CSMD1: variants seen among roughly 807,000 people sequenced by gnomAD.
CSMD1 encodes CUB and Sushi multiple domains 1.
CSMD1 carries 213 observed loss-of-function variants against 417.5 expected under a neutral mutation model. The observed-to-expected ratio is 0.51, with a 90% CI of 0.46 to 0.57. The LOEUF (loss-of-function observed/expected upper bound fraction) is 0.57. CSMD1 is among the 20% of genes least tolerant of loss of function. The pLI is 0.00. For missense variants in CSMD1, 6,923 were observed against 4,529.7 expected (o/e 1.53, Z -15.17); for synonymous variants, 2,862 against 1,736.8 (o/e 1.65, Z -16.11).
intron 1 of CSMD1, among the ~76,000 whole-genome samples, chr8:4,988,682 C>T (rs959054723): frequency 2.0e-5 from 3 of 152,194 alleles, no homozygotes; most frequent in Non-Finnish European, 1.5e-5. Context: ...GATAAATAAA[C>T]ATTCTGCAAC....
intron 3 of CSMD1, among the ~76,000 whole-genome samples, chr8:4,061,637 G>A (rs1024980383): frequency 9.2e-5 from 14 of 152,182 alleles, no homozygotes; most frequent in African/African-American, 3.4e-4. Flanking sequence ...TTCTGCAAGG[G>A]AGGATGGACT....
chr8:4,309,205 G>A (rs1243067056), intron 3 of CSMD1, among the ~76,000 whole-genome samples: 2 of 152,100 alleles, frequency 1.3e-5, no homozygotes, highest in South Asian at 2.1e-4. Flanking sequence ...AATTCCTAGG[G>A]TCAGTTTGAT....
chr8:4,231,190 G>A (rs954330477), intron 3 of CSMD1, among the ~76,000 whole-genome samples: 19 of 152,248 alleles, frequency 1.2e-4, no homozygotes, highest in South Asian at 2.1e-4. Context: ...CATCAATTGC[G>A]CATTGAGTCT....
intron 5 of CSMD1, among the ~76,000 whole-genome samples, chr8:3,765,487 C>G (rs1798215312): frequency 6.6e-6 from 1 of 152,286 alleles, no homozygotes; most frequent in African/African-American, 2.4e-5. Flanking sequence ...CCTCTGCACT[C>G]TGAGCCCACT....
intron 12 of CSMD1, among the ~76,000 whole-genome samples, chr8:3,467,127 T>C (rs568154465): frequency 1.3e-5 from 2 of 152,314 alleles, no homozygotes; most frequent in East Asian, 3.9e-4. Flanking sequence ...TTATAATTAA[T>C]GTGGTGTGGT....
intron 10 of CSMD1, among the ~76,000 whole-genome samples, chr8:3,569,116 T>G (rs747119841): frequency 2.2e-4 from 34 of 152,210 alleles, no homozygotes; most frequent in Non-Finnish European, 4.4e-4. Flanking sequence ...TGGTATGAGC[T>G]GTTCCAATTG....
chr8:3,930,864 A>G (rs1217637455), intron 5 of CSMD1, among the ~76,000 whole-genome samples: 1 of 150,828 alleles, frequency 6.6e-6, no homozygotes, highest in Non-Finnish European at 1.5e-5. Flanking sequence ...TAGTTAACTT[A>G]CATTTTAGTC....
chr8:4,439,371 A>G (rs1295790787), intron 2 of CSMD1, among the ~76,000 whole-genome samples: 2 of 152,152 alleles, frequency 1.3e-5, no homozygotes, highest in South Asian at 2.1e-4. Flanking sequence ...ATTACTATAC[A>G]ACTTTGTGGG....
intron 18 of CSMD1, 48 bp downstream of exon 18, chr8:3,387,446 T>G (rs1395708405): frequency 2.0e-6 from 3 of 1,480,770 alleles, no homozygotes; most frequent in Non-Finnish European, 2.8e-6. Flanking sequence ...ACGTGTGCGC[T>G]GTCTCTGCAC....
chr8:4,643,870 C>A (rs1461969265), intron 1 of CSMD1, among the ~76,000 whole-genome samples: 1 of 152,142 alleles, frequency 6.6e-6, no homozygotes, highest in Non-Finnish European at 1.5e-5. Context: ...AGTCTTCAGG[C>A]ATTTTGCAGG....
chr8:4,970,550 A>C (rs902091403), intron 1 of CSMD1, among the ~76,000 whole-genome samples: 2 of 152,068 alleles, frequency 1.3e-5, no homozygotes, highest in Admixed American at 6.6e-5. Context: ...ACTTTGGACA[A>C]CAGGTGGTAT....
intron 3 of CSMD1, among the ~76,000 whole-genome samples, chr8:4,106,604 T>C (rs1801581000): frequency 6.6e-6 from 1 of 152,220 alleles, no homozygotes; most frequent in Non-Finnish European, 1.5e-5. Context: ...ATTTTACGAA[T>C]ATATTTTATT....
At chr8:4,224,356 G>A (rs13439511) in intron 3 of CSMD1, among the ~76,000 whole-genome samples, 62,910 of 151,986 alleles carry the variant, frequency 0.41, 13,465 homozygotes, top group South Asian at 0.63. Flanking sequence ...GTACATGTAC[G>A]ATGTTGCGCA....
At chr8:3,244,768 G>A (rs1361231566) in intron 26 of CSMD1, among the ~76,000 whole-genome samples, 1 of 152,178 alleles carries the variant, frequency 6.6e-6, no homozygotes, top group African/African-American at 2.4e-5. Context: ...AGTAATAAGC[G>A]GAAATCCAGT....
At chr8:3,929,867 G>C (rs1298676938) in intron 5 of CSMD1, among the ~76,000 whole-genome samples, 2 of 149,936 alleles carry the variant, frequency 1.3e-5, no homozygotes, top group East Asian at 3.9e-4. Context: ...TCACCATATT[G>C]GTCCCGCTCA....
intron 20 of CSMD1, among the ~76,000 whole-genome samples, chr8:3,361,207 A>G (rs1035146103): frequency 5.3e-5 from 8 of 152,218 alleles, no homozygotes; most frequent in African/African-American, 1.4e-4. Flanking sequence ...TTTTTAGAAC[A>G]TATTAAAATA....
At chr8:4,934,182 G>A (rs565658579) in intron 1 of CSMD1, among the ~76,000 whole-genome samples, 3 of 152,088 alleles carry the variant, frequency 2.0e-5, no homozygotes, top group South Asian at 4.1e-4. Flanking sequence ...AGAAACAGAA[G>A]AGGCTGCCTG....
chr8:4,263,342 G>C (rs1464273466), intron 3 of CSMD1, among the ~76,000 whole-genome samples: 1 of 152,092 alleles, frequency 6.6e-6, no homozygotes, highest in African/African-American at 2.4e-5. Flanking sequence ...CTTTCCCCTG[G>C]AGTTATGGTG....
intron 8 of CSMD1, among the ~76,000 whole-genome samples, chr8:3,605,278 T>C (rs2469347): frequency 0.91 from 138,138 of 152,154 alleles, 63,022 homozygotes; most frequent in African/African-American, 0.98. Flanking sequence ...GCGTGCGCCA[T>C]CGCGCCCAGA....
Sources: gnomAD v4.1 joint callset for allele counts (sites outside exome capture counted in the v4.1 genomes callset) on GRCh38, gnomAD v4.1.1 for gene constraint, MANE v1.5 for transcripts, NCBI Gene and HGNC (gene_info 2026-07-23, HGNC 2026-07-21) for gene names.